NPAS2: variants seen among roughly 807,000 people sequenced by gnomAD.
NPAS2 encodes neuronal PAS domain-containing protein 2.
A neutral mutation model predicts 107.5 loss-of-function variants in NPAS2; 23 were observed. That is an observed-to-expected ratio of 0.21 (90% confidence interval 0.15 to 0.30). NPAS2 has a LOEUF of 0.30. Ranked by LOEUF, NPAS2 falls within the 10% of genes least tolerant of loss-of-function variation. The pLI, the probability that NPAS2 is intolerant of heterozygous loss-of-function variation, is 1.00. For synonymous variants in NPAS2, 403 were observed against 417.5 expected (o/e 0.97, Z 0.42); for missense variants, 756 against 1,043.3 (o/e 0.72, Z 3.79).
At chr2:100,920,824 C>T (rs1056181602) in intron 2 of NPAS2, among the ~76,000 whole-genome samples, 1 of 152,256 alleles carries the variant, frequency 6.6e-6, no homozygotes, top group Admixed American at 6.5e-5. Flanking sequence ...CAATCCTGCT[C>T]TCTCCAGAAG....
At chr2:100,907,820 G>A (rs1682266503) in intron 2 of NPAS2, among the ~76,000 whole-genome samples, 1 of 152,156 alleles carries the variant, frequency 6.6e-6, no homozygotes, top group Non-Finnish European at 1.5e-5. Flanking sequence ...AATCCAGGGA[G>A]TATTAATTGA....
chr2:100,917,328 AC>A (rs1425791784), intron 2 of NPAS2, among the ~76,000 whole-genome samples: 8 of 152,110 alleles, frequency 5.3e-5, no homozygotes, highest in Admixed American at 2.6e-4. Flanking sequence ...GGAGTTCAAG[AC>A]CAGCCTGATC....
At chr2:100,979,941 T>C (rs1677332023) in intron 15 of NPAS2, among the ~76,000 whole-genome samples, 1 of 152,110 alleles carries the variant, frequency 6.6e-6, no homozygotes, top group African/African-American at 2.4e-5. Context: ...GATTCTGGGA[T>C]TTTTCTCTCA....
intron 1 of NPAS2, among the ~76,000 whole-genome samples, chr2:100,846,654 G>C (rs913758711): frequency 1.3e-5 from 2 of 152,122 alleles, no homozygotes; most frequent in African/African-American, 4.8e-5. Context: ...ACATTTTGAT[G>C]TTTAGCTGCA....
intron 1 of NPAS2, among the ~76,000 whole-genome samples, chr2:100,880,026 G>C (rs929833005): frequency 1.3e-5 from 2 of 152,178 alleles, no homozygotes; most frequent in East Asian, 1.9e-4. Flanking sequence ...GGGACCTCTG[G>C]GGGGGACAAG....
chr2:100,956,914 G>A (rs751482840), intron 7 of NPAS2, among the ~76,000 whole-genome samples: 3 of 152,218 alleles, frequency 2.0e-5, no homozygotes, highest in Non-Finnish European at 2.9e-5. Flanking sequence ...TGAACTAGGT[G>A]ACGTTACACT....
intron 11 of NPAS2, 69 bp from the exon 12 acceptor site, chr2:100,970,921 C>T: frequency 7.2e-7 from 1 of 1,383,104 alleles, no homozygotes; most frequent in Non-Finnish European, 1.0e-6. Context: ...ACCTTGCTGT[C>T]TGTTCAGGTG....
intron 1 of NPAS2, among the ~76,000 whole-genome samples, chr2:100,836,506 C>T (rs1027761276): frequency 2.6e-5 from 4 of 152,162 alleles, no homozygotes; most frequent in Non-Finnish European, 5.9e-5. Context: ...CCACTCAACG[C>T]CTGCGCCTGG....
intron 1 of NPAS2, among the ~76,000 whole-genome samples, chr2:100,858,756 A>G (rs1431661192): frequency 2.0e-5 from 3 of 152,148 alleles, no homozygotes; most frequent in South Asian, 4.1e-4. Flanking sequence ...TACTCTGAAA[A>G]TAGTCCTAAT....
chr2:100,849,870 G>C (rs1039844217), intron 1 of NPAS2, among the ~76,000 whole-genome samples: 10 of 152,010 alleles, frequency 6.6e-5, no homozygotes, highest in African/African-American at 2.4e-4. Context: ...GAGTCACTGG[G>C]GAGGGAGAAA....
chr2:100,943,954 C>A (rs1479260768), intron 5 of NPAS2, among the ~76,000 whole-genome samples: 3 of 152,134 alleles, frequency 2.0e-5, no homozygotes, highest in East Asian at 1.9e-4. Flanking sequence ...CTTACCTTTC[C>A]CCCTTTTTTA....
chr2:100,869,911 T>C (rs1271129786), intron 1 of NPAS2, among the ~76,000 whole-genome samples: 1 of 148,550 alleles, frequency 6.7e-6, no homozygotes, highest in Non-Finnish European at 1.5e-5. Context: ...TTTTTTTTTT[T>C]TTTTTTTTTT....
At chr2:100,964,981 C>T (rs202063983) in intron 9 of NPAS2, 38 bp downstream of exon 9, 1 of 1,403,490 alleles carries the variant, frequency 7.1e-7, no homozygotes, top group African/African-American at 1.5e-5. Flanking sequence ...TTGGGCCCTT[C>T]TCAAGTCTTG....
Position 100,979,502 on chromosome 2 carries a change from A to AT in NPAS2, c.1482+1729dup, listed in dbSNP as rs757799235. Reference sequence around the variant, plus strand: ...TAACTATATATATATATATATATATATTTTTTTTTTTTTTTTTTTTTTTTT... The same window carrying AT: ...TAACTATATATATATATATATATATATTTTTTTTTTTTTTTTTTTTTTTTTT... On this transcript the variant is annotated intron_variant, in intron 15 of 20. Transcript: ENST00000335681. 4.3e-3 allele frequency among the ~76,000 whole-genome samples: 185 copies of AT among 43,338 alleles called. 5 individuals carry two copies. Among genetic ancestry groups the AT allele is most frequent in the South Asian group, 5.9e-3 (7 of 1,180 alleles). 28.4% of individuals were successfully genotyped at this position (43,338 alleles called of 152,430 possible). A position where few individuals can be genotyped will look rare whatever the true frequency, so the allele number is the denominator to read the frequency against.
chr2:100,854,485 A>G (rs889277114), intron 1 of NPAS2, among the ~76,000 whole-genome samples: 2 of 152,174 alleles, frequency 1.3e-5, no homozygotes, highest in South Asian at 2.1e-4. Context: ...CTAGATCTCT[A>G]TGATAGGGAG....
intron 20 of NPAS2, 115 bp downstream of exon 20, chr2:100,993,642 T>G: frequency 1.3e-6 from 1 of 784,630 alleles, no homozygotes; most frequent in Non-Finnish European, 1.9e-6. Flanking sequence ...CTATCCCTAG[T>G]ATAGAAGTAA....
chr2:100,964,797 A>G, intron 8 of NPAS2, 64 bp from the exon 9 acceptor site: 1 of 1,009,286 alleles, frequency 9.9e-7, no homozygotes, highest in Non-Finnish European at 1.5e-6. Flanking sequence ...GTTCCTCTTG[A>G]ACAAACCTAG....
In NPAS2 at chr2:100,820,973, G is replaced by C. The variant is rs1185564082; in HGVS notation, c.-23+559G>C. 3 of 1,196,872 alleles carry C rather than the reference G, an allele frequency of 2.5e-6. No individual in the cohort carries two copies. Among genetic ancestry groups the C allele is most frequent in the Non-Finnish European group, 3.3e-6 (3 of 906,362 alleles). The allele number at this position is 1,196,872 out of a possible 1,614,324, so 74.1% of individuals were successfully genotyped here. A position where few individuals can be genotyped will look rare whatever the true frequency, so the allele number is the denominator to read the frequency against. ...GTGTGCGCAGACAGCGTGCAGCCTG[G>C]CTCCTCACGTCGCTGCCGCCCCCCC... On this transcript the variant is annotated intron_variant, in intron 1 of 20. Coordinates refer to ENST00000335681, the MANE Select transcript of NPAS2 (RefSeq NM_002518.4). The surrounding 1 kb of genome is among the most constrained non-coding windows in gnomAD (Gnocchi z 5.6).
At chr2:100,925,035 A>G in intron 2 of NPAS2, 111 bp from the exon 3 acceptor site, 1 of 1,155,040 alleles carries the variant, frequency 8.7e-7, no homozygotes, top group East Asian at 2.5e-5. Flanking sequence ...GAGTTTTTTG[A>G]TAAGATAGAT....
Sources: allele counts gnomAD v4.1 joint callset (sites outside exome capture counted in the v4.1 genomes callset), GRCh38; gene constraint gnomAD v4.1.1; non-coding constraint Gnocchi (gnomAD v3.1); transcripts MANE v1.5; gene names NCBI Gene and HGNC (gene_info 2026-07-23, HGNC 2026-07-21).